Variants in SNAP25 observed in about 807,000 individuals in gnomAD.
The protein encoded by SNAP25 is synaptosome associated protein 25.
SNAP25 carries 3 observed loss-of-function variants against 28.7 expected under a neutral mutation model. That is an observed-to-expected ratio of 0.10 (90% CI 0.05 to 0.27). SNAP25 has a LOEUF of 0.27. SNAP25 is among the 10% of genes least tolerant of loss of function. SNAP25 has a pLI of 1.00. For missense variants in SNAP25, 117 were observed against 278.7 expected, an observed-to-expected ratio of 0.42 and a Z score of 4.13; for synonymous variants, 61 against 88.1, an observed-to-expected ratio of 0.69 and a Z score of 1.72.
Position 10,260,688 on chromosome 20 carries a change from TAC to T in SNAP25, c.-63-14707_-63-14706del, listed in dbSNP as rs36220354. Among the ~76,000 whole-genome samples, 493 of 148,578 alleles carry T rather than the reference TAC, an allele frequency of 3.3e-3. 4 individuals are homozygous for T. Among genetic ancestry groups the T allele is most frequent in the Admixed American group, 0.018 (268 of 14,922 alleles). On this transcript the variant is annotated intron_variant, in intron 1 of 7. Transcript: ENST00000254976. ...AGGTTAATGGCATACTTAGACTCAC[TAC>T]ACACACACACACACACACACACACA...
At chr20:10,247,749 C>G (rs1398316929) in intron 1 of SNAP25, among the ~76,000 whole-genome samples, 3 of 152,136 alleles carry the variant, frequency 2.0e-5, no homozygotes, top group Non-Finnish European at 4.4e-5. Context: ...GGGCAGAGCT[C>G]GGAGAGAGGA....
intron 1 of SNAP25, among the ~76,000 whole-genome samples, chr20:10,237,428 A>C (rs1221139382): frequency 6.6e-6 from 1 of 152,224 alleles, no homozygotes; most frequent in Non-Finnish European, 1.5e-5. Context: ...AGGCACTAGC[A>C]GAAGAGGCCT....
At chr20:10,298,754 TG>T (rs1247902204) in intron 6 of SNAP25, among the ~76,000 whole-genome samples, 26 of 152,188 alleles carry the variant, frequency 1.7e-4, no homozygotes, top group African/African-American at 6.3e-4. Context: ...TTCCCATTGG[TG>T]TCAATCCCAA....
intron 1 of SNAP25, among the ~76,000 whole-genome samples, chr20:10,262,496 A>C (rs995548403): frequency 1.3e-5 from 2 of 152,220 alleles, no homozygotes. Flanking sequence ...CTGAGAACAC[A>C]GAGAATTTTT....
At position 10,306,214 on chromosome 20, in the gene SNAP25, TCTC is replaced by T; in HGVS notation, c.*22_*24del. The T allele has an allele frequency of 5.0e-6, 8 of 1,612,654 alleles. No individual in the cohort carries two copies. Among genetic ancestry groups the T allele is most frequent in the Non-Finnish European group, 6.8e-6 (8 of 1,179,308 alleles). ...AGTGGTTAAGTGTGCCCACCCGTGT[TCTC>T]CTCCAAATGCTGTCGGGCAAGATAG... On this transcript the variant is annotated 3_prime_UTR_variant, in exon 8 of 8. Coordinates refer to ENST00000254976, the MANE Select transcript of SNAP25 (RefSeq NM_130811.4).
intron 1 of SNAP25, among the ~76,000 whole-genome samples, chr20:10,236,676 G>T (rs961449282): frequency 2.2e-4 from 33 of 152,206 alleles, no homozygotes; most frequent in African/African-American, 7.7e-4. Context: ...AGGCCTTTCA[G>T]CTGTGTTGCC....
intron 5 of SNAP25, 139 bp from the exon 6 acceptor site, chr20:10,296,785 AT>A: frequency 7.7e-7 from 1 of 1,304,372 alleles, no homozygotes. Flanking sequence ...TTGGGTCTGG[AT>A]TATGATATAT....
intron 1 of SNAP25, among the ~76,000 whole-genome samples, chr20:10,252,449 A>G (rs1038101163): frequency 2.0e-5 from 3 of 152,258 alleles, no homozygotes; most frequent in African/African-American, 4.8e-5. Flanking sequence ...CATGTGCTCA[A>G]TCTTGTATAA....
chr20:10,264,560 C>T (rs190445537), intron 1 of SNAP25, among the ~76,000 whole-genome samples: 146 of 152,276 alleles, frequency 9.6e-4, no homozygotes, highest in Non-Finnish European at 1.6e-3. Flanking sequence ...ATATTGAAAA[C>T]AACATAGTGG....
At chr20:10,224,101 C>G (rs2062685389) in intron 1 of SNAP25, among the ~76,000 whole-genome samples, 1 of 151,976 alleles carries the variant, frequency 6.6e-6, no homozygotes, top group Non-Finnish European at 1.5e-5. Flanking sequence ...ATAACTGATG[C>G]ACAGCAAGGG....
intron 1 of SNAP25, among the ~76,000 whole-genome samples, chr20:10,273,466 G>T (rs2063633761): frequency 6.6e-6 from 1 of 152,146 alleles, no homozygotes. Flanking sequence ...AAGAGTTCAG[G>T]TGTTACTGGC....
chr20:10,220,770 C>G (rs1449520553), intron 1 of SNAP25, among the ~76,000 whole-genome samples: 1 of 152,158 alleles, frequency 6.6e-6, no homozygotes, highest in Non-Finnish European at 1.5e-5. Flanking sequence ...TATCATGATC[C>G]CCTTAAAAGA....
chr20:10,296,885 C>T, intron 5 of SNAP25, 40 bp from the exon 6 acceptor site: 1 of 1,612,066 alleles, frequency 6.2e-7, no homozygotes, highest in Non-Finnish European at 8.5e-7. Context: ...GCTTGCTCCT[C>T]CACCCCTGTG....
chr20:10,269,806 A>AT (rs2063561652), intron 1 of SNAP25, among the ~76,000 whole-genome samples: 1 of 152,160 alleles, frequency 6.6e-6, no homozygotes, highest in Non-Finnish European at 1.5e-5. Context: ...ATGTCACAAA[A>AT]TTTTTTCTCT....
At chr20:10,261,234 T>C (rs2063409800) in intron 1 of SNAP25, among the ~76,000 whole-genome samples, 2 of 152,176 alleles carry the variant, frequency 1.3e-5, no homozygotes, top group Admixed American at 1.3e-4. Flanking sequence ...CTCCCAGCTT[T>C]AAGGTAACTA....
In SNAP25 at chr20:10,287,631, C is replaced by G. The variant is rs563858861; in HGVS notation, c.163+2859C>G. Among the ~76,000 whole-genome samples the G allele has an allele frequency of 5.0e-4, 70 of 140,824 alleles. 1 individual carries two copies. The highest frequency in any genetic ancestry group is 3.8e-3 in the South Asian group (17 of 4,428). The allele number at this position is 140,824 out of a possible 152,430, so 92.4% of individuals were successfully genotyped here. Reference sequence around the variant, plus strand: ...CCTCAGGGATCTAGAACTAGAAATACCATTTGACCCAGCCGTCCCATTACT... The same window carrying G: ...CCTCAGGGATCTAGAACTAGAAATAGCATTTGACCCAGCCGTCCCATTACT... On this transcript the variant is annotated intron_variant, in intron 4 of 7. Coordinates refer to ENST00000254976, the MANE Select transcript of SNAP25 (RefSeq NM_130811.4).
At chr20:10,248,881 C>G (rs1187300235) in intron 1 of SNAP25, among the ~76,000 whole-genome samples, 1 of 152,206 alleles carries the variant, frequency 6.6e-6, no homozygotes, top group African/African-American at 2.4e-5. Context: ...ATTTGCATTT[C>G]TAACAGACTC....
chr20:10,278,998 T>C (rs1309719520), intron 3 of SNAP25, among the ~76,000 whole-genome samples: 3 of 152,082 alleles, frequency 2.0e-5, no homozygotes, highest in Non-Finnish European at 4.4e-5. Context: ...GAGCCTGCAA[T>C]GTGGCACAAA....
chr20:10,298,428 T>C (rs1200527990), intron 6 of SNAP25, among the ~76,000 whole-genome samples: 1 of 151,942 alleles, frequency 6.6e-6, no homozygotes, highest in Non-Finnish European at 1.5e-5. Context: ...CTTCTGAATA[T>C]TTTTTAGCTC....
Sources: gnomAD v4.1 joint callset for allele counts (sites outside exome capture counted in the v4.1 genomes callset) on GRCh38, gnomAD v4.1.1 for gene constraint, MANE v1.5 for transcripts, NCBI Gene and HGNC (gene_info 2026-07-23, HGNC 2026-07-21) for gene names.